Variants in NFIA observed in about 807,000 individuals in gnomAD.
NFIA encodes nuclear factor 1 A-type.
NFIA carries 8 observed loss-of-function variants against 62.8 expected under a neutral mutation model. The observed-to-expected ratio is 0.13, with a 90% CI of 0.07 to 0.23. The LOEUF is 0.23. Ranked by LOEUF, NFIA falls within the 10% of genes least tolerant of loss-of-function variation. The pLI is 1.00. For synonymous variants in NFIA, 235 were observed against 238.1 expected (o/e 0.99, Z 0.12); for missense variants, 410 against 642.1 (o/e 0.64, Z 3.91).
Position 61,390,210 on chromosome 1 carries a change from G to A in NFIA, c.1075+6845G>A, listed in dbSNP as rs148785230. Among the ~76,000 whole-genome samples the A allele has an allele frequency of 1.6e-3, 250 of 152,252 alleles. 1 individual carries two copies. Among genetic ancestry groups the A allele is most frequent in the Non-Finnish European group, 2.9e-3 (197 of 68,010 alleles). ...CGCTATTGTCAAACAGTTTGCCTTC[G>A]CATTATGGGCATGGAAAACAGAACA... On this transcript the variant is annotated intron_variant, in intron 7 of 10. Transcript: ENST00000403491.
chr1:61,427,814 T>C (rs1394339619), intron 10 of NFIA, among the ~76,000 whole-genome samples: 1 of 152,206 alleles, frequency 6.6e-6, no homozygotes, highest in African/African-American at 2.4e-5. Flanking sequence ...CTGGCCTGCA[T>C]ATGGCGTCTG....
At chr1:61,418,087 T>C (rs775049814) in intron 9 of NFIA, among the ~76,000 whole-genome samples, 2 of 152,174 alleles carry the variant, frequency 1.3e-5, no homozygotes, top group Admixed American at 6.5e-5. Context: ...TTGCACTGTC[T>C]CCAAAAAAAG....
At chr1:61,089,698 T>TTC (rs1232482279) in intron 2 of NFIA, among the ~76,000 whole-genome samples, 2 of 148,676 alleles carry the variant, frequency 1.3e-5, no homozygotes, top group African/African-American at 5.0e-5. Context: ...TTTTTTTCTT[T>TTC]TTTTTTTTTT....
At chr1:61,295,916 G>A (rs1480911087) in intron 3 of NFIA, among the ~76,000 whole-genome samples, 1 of 152,146 alleles carries the variant, frequency 6.6e-6, no homozygotes, top group African/African-American at 2.4e-5. Context: ...TTTCAGCCCA[G>A]CAGTACTCAT....
chr1:61,382,243 G>A (rs950525328), intron 6 of NFIA, among the ~76,000 whole-genome samples: 1 of 152,096 alleles, frequency 6.6e-6, no homozygotes, highest in Admixed American at 6.6e-5. Flanking sequence ...GTATGTCAGC[G>A]TGGTTGCCGA....
intron 2 of NFIA, among the ~76,000 whole-genome samples, chr1:61,131,351 G>C (rs1340384593): frequency 6.6e-6 from 1 of 152,112 alleles, no homozygotes; most frequent in Non-Finnish European, 1.5e-5. Context: ...GTTGTTTGTA[G>C]TGAATAAATG....
chr1:61,183,799 C>T (rs1062338), intron 2 of NFIA, among the ~76,000 whole-genome samples: 1 of 152,148 alleles, frequency 6.6e-6, no homozygotes, highest in South Asian at 2.1e-4. Flanking sequence ...GAGGATATGT[C>T]CTTTTTTTCC....
At chr1:61,299,143 A>ATTCTAAGT (rs1239315547) in intron 3 of NFIA, among the ~76,000 whole-genome samples, 2 of 152,180 alleles carry the variant, frequency 1.3e-5, no homozygotes, top group African/African-American at 4.8e-5. Context: ...CTCTAGTTAC[A>ATTCTAAGT]TTCTAAGTGC....
At chr1:61,441,734 T>TATAAG in intron 10 of NFIA, among the ~76,000 whole-genome samples, 1 of 152,188 alleles carries the variant, frequency 6.6e-6, no homozygotes, top group Non-Finnish European at 1.5e-5. Context: ...TAGTATCCAG[T>TATAAG]TGTTCTCTCT....
intron 1 of NFIA, 76 bp downstream of exon 1, chr1:61,082,894 C>T (rs1646139963): frequency 1.6e-6 from 2 of 1,283,940 alleles, no homozygotes; most frequent in Non-Finnish European, 2.0e-6. Context: ...TGGGGGGCAC[C>T]GGGGCCGTCG....
intron 6 of NFIA, among the ~76,000 whole-genome samples, chr1:61,370,459 C>T (rs1013674423): frequency 2.0e-5 from 3 of 152,196 alleles, no homozygotes; most frequent in Admixed American, 6.5e-5. Flanking sequence ...CGGAATAAAA[C>T]GTCACTTTAC....
intron 4 of NFIA, among the ~76,000 whole-genome samples, chr1:61,346,846 G>A (rs1053921257): frequency 2.6e-5 from 4 of 152,118 alleles, no homozygotes; most frequent in East Asian, 1.9e-4. Flanking sequence ...GGAAAGTCTC[G>A]GGAAACTTAT....
intron 2 of NFIA, among the ~76,000 whole-genome samples, chr1:61,152,899 G>A (rs143634725): frequency 6.6e-6 from 1 of 152,288 alleles, no homozygotes; most frequent in East Asian, 1.9e-4. Context: ...AGGGCAGGGA[G>A]TTAAATCATT....
intron 2 of NFIA, among the ~76,000 whole-genome samples, chr1:61,154,635 T>C (rs1268501165): frequency 6.6e-6 from 1 of 152,170 alleles, no homozygotes; most frequent in African/African-American, 2.4e-5. Context: ...GTATTTTTAA[T>C]AGAGATGGGT....
intron 2 of NFIA, among the ~76,000 whole-genome samples, chr1:61,165,460 A>G (rs1230881170): frequency 2.0e-5 from 3 of 152,244 alleles, no homozygotes; most frequent in African/African-American, 7.2e-5. Flanking sequence ...GTATGTATTT[A>G]GTTAACTAAA....
intron 6 of NFIA, among the ~76,000 whole-genome samples, chr1:61,361,213 C>T (rs561652555): frequency 3.3e-5 from 5 of 152,286 alleles, no homozygotes; most frequent in African/African-American, 4.8e-5. Context: ...TCTCCGAATT[C>T]GTGTTCACAT....
In NFIA at chr1:61,138,887, T is replaced by C. The variant is rs193270319; in HGVS notation, c.559+50207T>C. On this transcript the variant is annotated intron_variant, in intron 2 of 10. Coordinates refer to ENST00000403491, the MANE Select transcript of NFIA (RefSeq NM_001134673.4). ...GTGAGCCACCGTGCCTGGCTAGAAT[T>C]AGTCATTTTAAATTCACTGGGGCTG... 3.5e-3 allele frequency among the ~76,000 whole-genome samples: 525 copies of C among 151,482 alleles called. 3 individuals carry two copies. The highest frequency in any genetic ancestry group is 0.012 in the African/African-American group (512 of 41,392).
At chr1:61,392,237 G>A (rs550795461) in intron 7 of NFIA, among the ~76,000 whole-genome samples, 2 of 151,476 alleles carry the variant, frequency 1.3e-5, no homozygotes, top group Non-Finnish European at 2.9e-5. Context: ...TTTTGCAGAG[G>A]TCCTTTAAGT....
chr1:61,174,213 C>T (rs1329142409), intron 2 of NFIA, among the ~76,000 whole-genome samples: 2 of 152,170 alleles, frequency 1.3e-5, no homozygotes, highest in Admixed American at 6.5e-5. Flanking sequence ...AATGTGGTTA[C>T]TGAAGCCCTG....
Sources: allele counts gnomAD v4.1 joint callset (sites outside exome capture counted in the v4.1 genomes callset), GRCh38; gene constraint gnomAD v4.1.1; transcripts MANE v1.5; gene names NCBI Gene and HGNC (gene_info 2026-07-23, HGNC 2026-07-21).